The following KCNJ6 variants were observed in gnomAD, a reference collection of about 807,000 sequenced individuals.
KCNJ6 encodes potassium inwardly rectifying channel subfamily J member 6, also known as G protein-activated inward rectifier potassium channel 2.
A neutral mutation model predicts 34.2 loss-of-function variants in KCNJ6; 9 were observed. The ratio of observed to expected loss-of-function variants is 0.26; its 90% CI spans 0.16 to 0.46. The LOEUF (loss-of-function observed/expected upper bound fraction) is 0.46. Among genes scored for constraint, KCNJ6 ranks in the 20% least tolerant of loss-of-function variants. KCNJ6 has a pLI of 1.00. For synonymous variants in KCNJ6, 196 were observed against 207.1 expected, an observed-to-expected ratio of 0.95 and a Z score of 0.46; for missense variants, 236 against 531.3, an observed-to-expected ratio of 0.44 and a Z score of 5.46.
At chr21:37,734,272 C>T (rs2054901459) in intron 2 of KCNJ6, among the ~76,000 whole-genome samples, 1 of 152,118 alleles carries the variant, frequency 6.6e-6, no homozygotes, top group Non-Finnish European at 1.5e-5. Context: ...CTTGAAGATG[C>T]TCCCACGGGG....
At chr21:37,768,863 G>A (rs922482156) in intron 2 of KCNJ6, among the ~76,000 whole-genome samples, 31 of 152,142 alleles carry the variant, frequency 2.0e-4, no homozygotes, top group Non-Finnish European at 7.4e-5. Flanking sequence ...GAATGGGAAG[G>A]GGCACTTATT....
chr21:37,849,501 C>T (rs1251450826), intron 1 of KCNJ6, among the ~76,000 whole-genome samples: 2 of 152,170 alleles, frequency 1.3e-5, no homozygotes, highest in Non-Finnish European at 2.9e-5. Context: ...AGGTTGCCCA[C>T]AATCCAAGTT....
intron 2 of KCNJ6, among the ~76,000 whole-genome samples, chr21:37,717,992 G>A (rs974680322): frequency 9.9e-5 from 15 of 152,228 alleles, no homozygotes; most frequent in African/African-American, 3.4e-4. Flanking sequence ...GTTAATGAAT[G>A]AGTAGCGATC....
At chr21:37,647,610 G>C (rs1401323783) in intron 3 of KCNJ6, among the ~76,000 whole-genome samples, 1 of 152,082 alleles carries the variant, frequency 6.6e-6, no homozygotes, top group East Asian at 1.9e-4. Flanking sequence ...CCCCCCCAGA[G>C]TTAGGCCTCA....
intron 2 of KCNJ6, among the ~76,000 whole-genome samples, chr21:37,831,647 A>G (rs1253231835): frequency 6.6e-6 from 1 of 152,128 alleles, no homozygotes; most frequent in East Asian, 1.9e-4. Context: ...AGCTCTTGGT[A>G]AGGGAATGAC....
Position 37,626,907 on chromosome 21 carries a change from G to T in KCNJ6, c.947-1423C>A, listed in dbSNP as rs115198746. On this transcript the variant is annotated intron_variant, in intron 3 of 3. Coordinates refer to ENST00000609713, the MANE Select transcript of KCNJ6 (RefSeq NM_002240.5). ...AAAACATTTTTTTAATGGGGCAAGG[G>T]GCTTACAAAGGCAAGCTCACCAGGG... Among the ~76,000 whole-genome samples, 549 of 152,068 alleles carry T rather than the reference G, an allele frequency of 3.6e-3. 3 individuals carry two copies. Among genetic ancestry groups the T allele is most frequent in the African/African-American group, 0.013 (534 of 41,472 alleles).
intron 2 of KCNJ6, among the ~76,000 whole-genome samples, chr21:37,821,751 A>T (rs1350050377): frequency 6.6e-6 from 1 of 152,220 alleles, no homozygotes; most frequent in Non-Finnish European, 1.5e-5. Flanking sequence ...ACTTTAGTCT[A>T]CTGGGTCTGG....
At chr21:37,808,450 C>A (rs2123539325) in intron 2 of KCNJ6, among the ~76,000 whole-genome samples, 1 of 152,302 alleles carries the variant, frequency 6.6e-6, no homozygotes, top group East Asian at 1.9e-4. Context: ...ATCCTACCAC[C>A]TCCTCTCAGA....
intron 2 of KCNJ6, among the ~76,000 whole-genome samples, chr21:37,773,861 C>T (rs1313679131): frequency 1.3e-5 from 2 of 152,274 alleles, no homozygotes; most frequent in East Asian, 3.9e-4. Flanking sequence ...GCATCCATCC[C>T]CTCCAGGTGC....
At chr21:37,800,417 A>T (rs2055263539) in intron 2 of KCNJ6, among the ~76,000 whole-genome samples, 1 of 152,160 alleles carries the variant, frequency 6.6e-6, no homozygotes, top group South Asian at 2.1e-4. Flanking sequence ...AACTGAAACA[A>T]AAACTCTGAA....
chr21:37,749,483 G>A (rs1241720121), intron 2 of KCNJ6, among the ~76,000 whole-genome samples: 1 of 152,214 alleles, frequency 6.6e-6, no homozygotes, highest in East Asian at 1.9e-4. Context: ...ACTAGATGGT[G>A]TGAGATGCAA....
At chr21:37,896,670 C>T (rs552596280) in intron 1 of KCNJ6, among the ~76,000 whole-genome samples, 4 of 152,056 alleles carry the variant, frequency 2.6e-5, no homozygotes, top group Non-Finnish European at 5.9e-5. Context: ...AAGGGTGGCA[C>T]GTGGGCTTGG....
chr21:37,789,445 G>A (rs1021791684), intron 2 of KCNJ6, among the ~76,000 whole-genome samples: 1 of 152,234 alleles, frequency 6.6e-6, no homozygotes, highest in African/African-American at 2.4e-5. Context: ...GCTAGAGAGA[G>A]AGAGCCCTCA....
intron 2 of KCNJ6, among the ~76,000 whole-genome samples, chr21:37,739,965 G>A (rs1199159682): frequency 6.6e-6 from 1 of 151,080 alleles, no homozygotes; most frequent in Non-Finnish European, 1.5e-5. Flanking sequence ...ATGAATCATG[G>A]TCCCAGCTTT....
At chr21:37,756,573 G>A (rs538132875) in intron 2 of KCNJ6, among the ~76,000 whole-genome samples, 23 of 152,152 alleles carry the variant, frequency 1.5e-4, no homozygotes, top group African/African-American at 1.7e-4. Flanking sequence ...GTGAAGCACC[G>A]AGTGGAGTGT....
chr21:37,673,986 T>C (rs2054553283), intron 3 of KCNJ6, among the ~76,000 whole-genome samples: 1 of 152,158 alleles, frequency 6.6e-6, no homozygotes, highest in Non-Finnish European at 1.5e-5. Flanking sequence ...AGCCCTGTGA[T>C]TTCCCTTAGT....
intron 2 of KCNJ6, among the ~76,000 whole-genome samples, chr21:37,783,673 C>A (rs1361611838): frequency 1.3e-5 from 2 of 152,182 alleles, no homozygotes; most frequent in Non-Finnish European, 2.9e-5. Flanking sequence ...CAATTCCCTG[C>A]TTGAAGTCTT....
chr21:37,914,667 G>C (rs185067865), intron 1 of KCNJ6, among the ~76,000 whole-genome samples: 1 of 152,204 alleles, frequency 6.6e-6, no homozygotes, highest in African/African-American at 2.4e-5. Context: ...GGCAAAATGG[G>C]CGAAGCTCAG....
At position 37,625,121 on chromosome 21, in the gene KCNJ6, G is replaced by A; in HGVS notation, c.*38C>T. 1 of 1,366,012 alleles carries A rather than the reference G, an allele frequency of 7.3e-7. No homozygotes were observed. Among genetic ancestry groups the A allele is most frequent in the Non-Finnish European group, 1.0e-6 (1 of 964,690 alleles). 84.6% of individuals were successfully genotyped at this position (1,366,012 alleles called of 1,614,324 possible). ...AGAATGAGAGACAAGGAAAGATTGT[G>A]TTGGGGGGAGAAGAGAAGGGTTTGC... On this transcript the variant is annotated 3_prime_UTR_variant, in exon 4 of 4. Coordinates refer to ENST00000609713, the MANE Select transcript of KCNJ6 (RefSeq NM_002240.5).
Sources: gnomAD v4.1 joint callset for allele counts (sites outside exome capture counted in the v4.1 genomes callset) on GRCh38, gnomAD v4.1.1 for gene constraint, MANE v1.5 for transcripts, NCBI Gene and HGNC (gene_info 2026-07-23, HGNC 2026-07-21) for gene names.